ULK4: variants seen among roughly 807,000 people sequenced by gnomAD.
ULK4 encodes inactive serine/threonine-protein kinase ULK4.
In ULK4, 133 loss-of-function variants were observed where a neutral mutation model predicts 160.6. The ratio of observed to expected loss-of-function variants is 0.83; its 90% CI spans 0.72 to 0.96. The LOEUF (loss-of-function observed/expected upper bound fraction) is 0.96, where lower values mean the gene tolerates loss of function less well. ULK4 is among the 40% of genes least tolerant of loss of function. ULK4 has a pLI of 0.00. For missense variants in ULK4, 1,580 were observed against 1,499.5 expected, an observed-to-expected ratio of 1.05 and a Z score of -0.89; for synonymous variants, 534 against 539.8, an observed-to-expected ratio of 0.99 and a Z score of 0.15.
chr3:41,647,154 C>T (rs912616146), intron 30 of ULK4, among the ~76,000 whole-genome samples: 16 of 152,244 alleles, frequency 1.1e-4, no homozygotes, highest in African/African-American at 2.6e-4. Flanking sequence ...TCCTGTAGCT[C>T]GGAGTAGTTT....
chr3:41,875,714 T>A (rs537170747), intron 17 of ULK4, among the ~76,000 whole-genome samples: 22 of 151,660 alleles, frequency 1.5e-4, no homozygotes, highest in African/African-American at 5.3e-4. Context: ...TCCTGAATGT[T>A]TTTTTTTAGA....
chr3:41,805,121 A>G (rs2040600504), intron 19 of ULK4, among the ~76,000 whole-genome samples: 1 of 152,132 alleles, frequency 6.6e-6, no homozygotes, highest in South Asian at 2.1e-4. Context: ...ATGAGCATGG[A>G]ATGTTCTTCC....
intron 35 of ULK4, among the ~76,000 whole-genome samples, chr3:41,262,400 G>A (rs538558419): frequency 9.8e-5 from 15 of 152,298 alleles, no homozygotes; most frequent in African/African-American, 2.6e-4. Context: ...GAGATGCAGC[G>A]TGCAAAGGAG....
chr3:41,522,601 T>C (rs1044134371), intron 32 of ULK4, among the ~76,000 whole-genome samples: 2 of 152,212 alleles, frequency 1.3e-5, no homozygotes, highest in South Asian at 2.1e-4. Flanking sequence ...TCTATCTCAA[T>C]GAAATATTAA....
At chr3:41,824,473 T>C (rs1225311211) in intron 18 of ULK4, among the ~76,000 whole-genome samples, 2 of 152,234 alleles carry the variant, frequency 1.3e-5, no homozygotes, top group African/African-American at 2.4e-5. Context: ...ACCCTAATAC[T>C]GCACTTTTCC....
At chr3:41,767,946 G>A (rs1040643019) in intron 21 of ULK4, among the ~76,000 whole-genome samples, 1 of 152,194 alleles carries the variant, frequency 6.6e-6, no homozygotes, top group Non-Finnish European at 1.5e-5. Context: ...CCACAGACCA[G>A]TACTGGCCTG....
chr3:41,359,558 A>T (rs953643357), intron 35 of ULK4, among the ~76,000 whole-genome samples: 2 of 152,234 alleles, frequency 1.3e-5, no homozygotes, highest in African/African-American at 2.4e-5. Context: ...AGGCCAAGTC[A>T]GCCAAGGACT....
intron 32 of ULK4, among the ~76,000 whole-genome samples, chr3:41,550,968 A>C (rs760843534): frequency 2.0e-5 from 3 of 152,080 alleles, no homozygotes; most frequent in Non-Finnish European, 4.4e-5. Flanking sequence ...CTAGAAATCA[A>C]TACCATAAAG....
chr3:41,858,048 T>C (rs1257361588), intron 17 of ULK4, among the ~76,000 whole-genome samples: 1 of 151,994 alleles, frequency 6.6e-6, no homozygotes, highest in Non-Finnish European at 1.5e-5. Context: ...TGTTAGATTG[T>C]TCATTTGAAG....
At chr3:41,371,699 G>A (rs1052287283) in intron 35 of ULK4, among the ~76,000 whole-genome samples, 1 of 152,024 alleles carries the variant, frequency 6.6e-6, no homozygotes, top group African/African-American at 2.4e-5. Flanking sequence ...AAAAATCAGC[G>A]CAAAAAGGAT....
chr3:41,405,749 C>G (rs2125822307), intron 34 of ULK4, among the ~76,000 whole-genome samples: 1 of 151,872 alleles, frequency 6.6e-6, no homozygotes, highest in East Asian at 1.9e-4. Context: ...TCATATGCTT[C>G]TTGGCCGCTT....
intron 35 of ULK4, among the ~76,000 whole-genome samples, chr3:41,291,231 A>G (rs1462152540): frequency 6.6e-6 from 1 of 151,764 alleles, no homozygotes. Flanking sequence ...CTGATATAAA[A>G]TGTATACAGG....
At chr3:41,446,655 C>G (rs1260034068) in intron 34 of ULK4, among the ~76,000 whole-genome samples, 1 of 141,766 alleles carries the variant, frequency 7.1e-6, no homozygotes, top group East Asian at 2.1e-4. Flanking sequence ...CAAGTTCTCA[C>G]TGATGGGTGT....
intron 35 of ULK4, among the ~76,000 whole-genome samples, chr3:41,253,821 A>G (rs962198334): frequency 6.6e-6 from 1 of 152,220 alleles, no homozygotes; most frequent in African/African-American, 2.4e-5. Context: ...GAAAAAAGAT[A>G]TACCATGCAC....
intron 17 of ULK4, among the ~76,000 whole-genome samples, chr3:41,841,481 T>C (rs1438580978): frequency 1.5e-5 from 2 of 132,434 alleles, no homozygotes; most frequent in Middle Eastern, 5.2e-3. Context: ...GTGAGGGGCG[T>C]CTCTGCCCGG....
At chr3:41,545,598 A>G (rs938497482) in intron 32 of ULK4, among the ~76,000 whole-genome samples, 4 of 152,130 alleles carry the variant, frequency 2.6e-5, no homozygotes, top group Admixed American at 6.5e-5. Context: ...TCGTGTGCTT[A>G]GGTGAATTTT....
intron 35 of ULK4, among the ~76,000 whole-genome samples, chr3:41,265,847 T>C (rs3856749): frequency 0.024 from 3,659 of 151,988 alleles, 144 homozygotes; most frequent in African/African-American, 0.084. Context: ...AAGAGACAGG[T>C]CCACTGTCAG....
At chr3:41,763,784 T>C (rs2125910601) in intron 21 of ULK4, among the ~76,000 whole-genome samples, 1 of 152,372 alleles carries the variant, frequency 6.6e-6, no homozygotes, top group South Asian at 2.1e-4. Flanking sequence ...GTCAAATGGC[T>C]TTCCAAAGTG....
chr3:41,817,830 C>T (rs1168738592), intron 19 of ULK4, among the ~76,000 whole-genome samples: 1 of 151,900 alleles, frequency 6.6e-6, no homozygotes, highest in South Asian at 2.1e-4. Context: ...AGCAAAAAAA[C>T]CAAATAACCC....
Sources: gnomAD v4.1 joint callset for allele counts (sites outside exome capture counted in the v4.1 genomes callset) on GRCh38, gnomAD v4.1.1 for gene constraint, MANE v1.5 for transcripts, NCBI Gene and HGNC (gene_info 2026-07-23, HGNC 2026-07-21) for gene names.